The following GRID2 variants were observed in gnomAD, a reference collection of about 807,000 sequenced individuals.
GRID2 encodes glutamate receptor ionotropic, delta-2.
GRID2 carries 33 observed loss-of-function variants against 114.8 expected under a neutral mutation model. The observed-to-expected ratio is 0.29, with a 90% CI of 0.22 to 0.38. The LOEUF is 0.38. Ranked by LOEUF, GRID2 falls within the 10% of genes least tolerant of loss-of-function variation. The pLI, the probability that GRID2 is intolerant of heterozygous loss-of-function variation, is 1.00. For synonymous variants in GRID2, 505 were observed against 449.9 expected (o/e 1.12, Z -1.55); for missense variants, 1,184 against 1,257.7 (o/e 0.94, Z 0.89).
chr4:93,539,937 C>T (rs918382436), intron 13 of GRID2, among the ~76,000 whole-genome samples: 2 of 151,884 alleles, frequency 1.3e-5, no homozygotes, highest in African/African-American at 4.8e-5. Flanking sequence ...AATCTATAAA[C>T]TCATGTTCTT....
intron 1 of GRID2, among the ~76,000 whole-genome samples, chr4:92,547,137 A>T (rs1726304761): frequency 6.6e-6 from 1 of 152,192 alleles, no homozygotes; most frequent in Non-Finnish European, 1.5e-5. Context: ...TCTCTATTAT[A>T]TCTTATCTCA....
chr4:92,979,901 A>G (rs1754087285), intron 2 of GRID2, among the ~76,000 whole-genome samples: 1 of 152,204 alleles, frequency 6.6e-6, no homozygotes, highest in Non-Finnish European at 1.5e-5. Flanking sequence ...CTTGTATGGT[A>G]CTTAGAGTGG....
intron 2 of GRID2, among the ~76,000 whole-genome samples, chr4:92,951,821 G>A (rs1379866801): frequency 6.6e-6 from 1 of 152,014 alleles, no homozygotes; most frequent in Non-Finnish European, 1.5e-5. Flanking sequence ...GCATTGTATT[G>A]CACCTTTCTT....
At chr4:92,474,285 T>C (rs996460617) in intron 1 of GRID2, among the ~76,000 whole-genome samples, 1 of 152,066 alleles carries the variant, frequency 6.6e-6, no homozygotes, top group Non-Finnish European at 1.5e-5. Flanking sequence ...TCTTTCTATG[T>C]CTGGCTTATT....
At chr4:93,679,175 CAAAG>C (rs1725245053) in intron 14 of GRID2, among the ~76,000 whole-genome samples, 1 of 151,084 alleles carries the variant, frequency 6.6e-6, no homozygotes, top group African/African-American at 2.5e-5. Flanking sequence ...TCAAAAGAGA[CAAAG>C]AAGGCCATTG....
chr4:92,957,666 A>T (rs1243014066), intron 2 of GRID2, among the ~76,000 whole-genome samples: 1 of 151,938 alleles, frequency 6.6e-6, no homozygotes, highest in African/African-American at 2.4e-5. Flanking sequence ...AAACTTCCGA[A>T]TCATTTAGTA....
chr4:93,343,142 C>CTGTGTGTG (rs150132437), intron 8 of GRID2, among the ~76,000 whole-genome samples: 1,870 of 40,128 alleles, frequency 0.047, 31 homozygotes, highest in African/African-American at 0.096. Context: ...TGTGAGGTGA[C>CTGTGTGTG]TGTGTGTGTG....
chr4:93,062,872 C>T (rs1207171306), intron 2 of GRID2, among the ~76,000 whole-genome samples: 1 of 151,966 alleles, frequency 6.6e-6, no homozygotes, highest in African/African-American at 2.4e-5. Context: ...TAATTATTCT[C>T]ATTTAGATCT....
rs572904386 is a variant in GRID2 at position 93,064,824 on chromosome 4, A to G, written c.245-20171A>G. ...ATATGTTTAATGACATTTCATGTTA[A>G]TGCTTTAGTTAAGTTTGTTTTCAGT... On this transcript the variant is annotated intron_variant, in intron 2 of 15. Coordinates refer to ENST00000282020, the MANE Select transcript of GRID2 (RefSeq NM_001510.4). Among the ~76,000 whole-genome samples the G allele has an allele frequency of 1.4e-4, 22 of 152,000 alleles. No individual in the cohort carries two copies. The South Asian group carries it at 1.9e-3, about 13-fold the overall frequency.
At chr4:93,616,867 C>T (rs111807137) in intron 13 of GRID2, among the ~76,000 whole-genome samples, 43 of 147,616 alleles carry the variant, frequency 2.9e-4, no homozygotes, top group Admixed American at 7.4e-4. Flanking sequence ...TGGTGGTGGG[C>T]GCCTGTAGTC....
At chr4:92,912,666 C>A (rs1284198141) in intron 2 of GRID2, among the ~76,000 whole-genome samples, 1 of 151,670 alleles carries the variant, frequency 6.6e-6, no homozygotes, top group Admixed American at 6.6e-5. Context: ...AAAATTGATA[C>A]ATTTGTTGAG....
In GRID2 at chr4:93,071,722, T is replaced by C. The variant is rs1728821579; in HGVS notation, c.245-13273T>C. ...GAGAAAGGCTGATGGAAACAGGAGT[T>C]TGGGTTATATTCATGGCCAGGCAGA... is the stretch of plus-strand genomic sequence containing the variant. On this transcript the variant is annotated intron_variant, in intron 2 of 15. Transcript: ENST00000282020. 2.0e-5 allele frequency among the ~76,000 whole-genome samples: 3 copies of C among 151,964 alleles called. No individual in the cohort carries two copies. The South Asian group carries it at 6.2e-4, about 32-fold the overall frequency.
At chr4:92,889,247 G>A (rs964860204) in intron 2 of GRID2, among the ~76,000 whole-genome samples, 1 of 152,174 alleles carries the variant, frequency 6.6e-6, no homozygotes, top group Non-Finnish European at 1.5e-5. Flanking sequence ...CCATTATAAA[G>A]AAGCAGAAGT....
chr4:93,658,070 G>A (rs1723172031), intron 14 of GRID2, among the ~76,000 whole-genome samples: 1 of 152,150 alleles, frequency 6.6e-6, no homozygotes, highest in Non-Finnish European at 1.5e-5. Flanking sequence ...AACAGTGATA[G>A]GAATTTTCAG....
intron 2 of GRID2, among the ~76,000 whole-genome samples, chr4:93,067,323 T>A (rs1222193724): frequency 1.3e-5 from 2 of 152,000 alleles, no homozygotes; most frequent in Non-Finnish European, 2.9e-5. Flanking sequence ...TACCTTTGAT[T>A]GTGTAATTTA....
intron 2 of GRID2, among the ~76,000 whole-genome samples, chr4:92,982,757 TAAAG>T (rs2149190291): frequency 6.6e-6 from 1 of 152,070 alleles, no homozygotes; most frequent in South Asian, 2.1e-4. Flanking sequence ...TGTAGGGTAA[TAAAG>T]AGAGAAATAA....
intron 13 of GRID2, among the ~76,000 whole-genome samples, chr4:93,530,978 A>G (rs894473232): frequency 6.6e-6 from 1 of 152,170 alleles, no homozygotes; most frequent in Non-Finnish European, 1.5e-5. Context: ...AATAATTTAT[A>G]AGAACAGATT....
chr4:92,908,192 GT>G (rs1455506787), intron 2 of GRID2, among the ~76,000 whole-genome samples: 1 of 151,930 alleles, frequency 6.6e-6, no homozygotes, highest in African/African-American at 2.4e-5. Context: ...TTTGTTAATA[GT>G]TTTTTTATTG....
chr4:93,620,349 G>A (rs1332402741), intron 13 of GRID2, among the ~76,000 whole-genome samples: 5 of 152,160 alleles, frequency 3.3e-5, no homozygotes, highest in Admixed American at 3.3e-4. Context: ...AGATTTTGGA[G>A]TGAGCTTTTA....
Sources: gnomAD v4.1 joint callset for allele counts (sites outside exome capture counted in the v4.1 genomes callset) on GRCh38, gnomAD v4.1.1 for gene constraint, MANE v1.5 for transcripts, NCBI Gene and HGNC (gene_info 2026-07-23, HGNC 2026-07-21) for gene names.